STX8: variants seen among roughly 807,000 people sequenced by gnomAD.
STX8 encodes the protein syntaxin 8, also known as syntaxin-8.
Under a neutral mutation model 37.5 loss-of-function variants are expected in STX8, and 23 were observed. That is an observed-to-expected ratio of 0.61 (90% CI 0.44 to 0.87). The LOEUF (loss-of-function observed/expected upper bound fraction) is 0.87, where lower values mean the gene tolerates loss of function less well. Among genes scored for constraint, STX8 ranks in the 40% least tolerant of loss-of-function variants. The pLI is 0.00. For missense variants in STX8, 313 were observed against 284.7 expected, an observed-to-expected ratio of 1.10 and a Z score of -0.71; for synonymous variants, 115 against 99.1, an observed-to-expected ratio of 1.16 and a Z score of -0.95.
chr17:9,388,667 G>A (rs868818854), intron 6 of STX8, among the ~76,000 whole-genome samples: 17 of 151,944 alleles, frequency 1.1e-4, no homozygotes, highest in Admixed American at 5.2e-4. Flanking sequence ...GCCGGGTGTG[G>A]TGGTGCATGC....
At chr17:9,308,414 T>C (rs527583151) in intron 7 of STX8, among the ~76,000 whole-genome samples, 19 of 152,298 alleles carry the variant, frequency 1.2e-4, no homozygotes, top group African/African-American at 4.6e-4. Flanking sequence ...TTCTAGTTCC[T>C]ATGACTCACC....
intron 6 of STX8, among the ~76,000 whole-genome samples, chr17:9,392,935 G>A (rs572442290): frequency 2.6e-5 from 4 of 152,230 alleles, no homozygotes; most frequent in South Asian, 2.1e-4. Flanking sequence ...GAAAAAATAC[G>A]TGAACAAATA....
chr17:9,556,049 T>C (rs910687222), intron 3 of STX8, among the ~76,000 whole-genome samples: 10 of 152,166 alleles, frequency 6.6e-5, no homozygotes, highest in Admixed American at 5.9e-4. Flanking sequence ...AATATTCCAA[T>C]TGCGTTAAAA....
intron 6 of STX8, among the ~76,000 whole-genome samples, chr17:9,425,227 A>G (rs1229061250): frequency 6.6e-6 from 1 of 152,206 alleles, no homozygotes; most frequent in East Asian, 1.9e-4. Flanking sequence ...CCAACACTGT[A>G]CAGAGAAAGA....
chr17:9,407,218 G>A (rs577334912), intron 6 of STX8, among the ~76,000 whole-genome samples: 56 of 152,228 alleles, frequency 3.7e-4, no homozygotes, highest in South Asian at 3.3e-3. Flanking sequence ...AATAGAGACG[G>A]GGTCTTGCTA....
intron 2 of STX8, among the ~76,000 whole-genome samples, chr17:9,561,751 A>C (rs1313971435): frequency 6.6e-6 from 1 of 151,920 alleles, no homozygotes; most frequent in Non-Finnish European, 1.5e-5. Flanking sequence ...ATTTTTACCT[A>C]GTAGAGATTT....
intron 6 of STX8, among the ~76,000 whole-genome samples, chr17:9,480,008 C>T: frequency 6.6e-6 from 1 of 152,220 alleles, no homozygotes; most frequent in East Asian, 1.9e-4. Context: ...CAGGTAACTG[C>T]TGTTTATCCT....
intron 5 of STX8, among the ~76,000 whole-genome samples, chr17:9,497,178 T>A (rs528049444): frequency 6.6e-6 from 1 of 152,116 alleles, no homozygotes; most frequent in South Asian, 2.1e-4. Flanking sequence ...AAGGAAGAGT[T>A]GGAAAAAGAA....
intron 7 of STX8, among the ~76,000 whole-genome samples, chr17:9,296,779 G>A (rs1567773016): frequency 6.6e-6 from 1 of 152,128 alleles, no homozygotes; most frequent in Non-Finnish European, 1.5e-5. Flanking sequence ...ATACTTAAAT[G>A]TAAAGGATAG....
At chr17:9,397,340 A>G (rs1490134672) in intron 6 of STX8, among the ~76,000 whole-genome samples, 6 of 151,992 alleles carry the variant, frequency 3.9e-5, no homozygotes, top group African/African-American at 1.4e-4. Context: ...AGGTTGCAGT[A>G]AGCCGAGATC....
chr17:9,374,609 C>T (rs1339852477), intron 7 of STX8, among the ~76,000 whole-genome samples: 1 of 151,970 alleles, frequency 6.6e-6, no homozygotes, highest in Admixed American at 6.6e-5. Flanking sequence ...TCAACAAATG[C>T]ATATATAAAA....
At chr17:9,428,903 C>T (rs1276630354) in intron 6 of STX8, among the ~76,000 whole-genome samples, 1 of 152,110 alleles carries the variant, frequency 6.6e-6, no homozygotes, top group Non-Finnish European at 1.5e-5. Flanking sequence ...TATTCAGAGG[C>T]TCTGTTGATA....
intron 7 of STX8, among the ~76,000 whole-genome samples, chr17:9,370,294 C>T (rs1202194554): frequency 6.6e-6 from 1 of 152,144 alleles, no homozygotes; most frequent in African/African-American, 2.4e-5. Context: ...GTCATTGTGC[C>T]ACCTAACTGT....
intron 7 of STX8, among the ~76,000 whole-genome samples, chr17:9,298,831 A>G (rs912728904): frequency 1.3e-5 from 2 of 152,122 alleles, no homozygotes; most frequent in African/African-American, 4.8e-5. Flanking sequence ...ACAAAACAAA[A>G]CAAAACAAAA....
chr17:9,388,496 A>G (rs1912093634), intron 6 of STX8, among the ~76,000 whole-genome samples: 1 of 151,942 alleles, frequency 6.6e-6, no homozygotes, highest in Non-Finnish European at 1.5e-5. Flanking sequence ...TGTGTTCACT[A>G]CAATTTGACA....
intron 5 of STX8, among the ~76,000 whole-genome samples, chr17:9,500,424 T>C (rs1904568799): frequency 1.3e-5 from 2 of 152,156 alleles, no homozygotes; most frequent in Admixed American, 6.5e-5. Context: ...CAAGCCATGG[T>C]GTGGGGATGG....
At chr17:9,419,799 G>C (rs1321571892) in intron 6 of STX8, among the ~76,000 whole-genome samples, 1 of 152,176 alleles carries the variant, frequency 6.6e-6, no homozygotes, top group Non-Finnish European at 1.5e-5. Flanking sequence ...CAGGTGGTGA[G>C]AAGAGTGAGC....
At chr17:9,400,706 G>A (rs193171801) in intron 6 of STX8, among the ~76,000 whole-genome samples, 1 of 152,214 alleles carries the variant, frequency 6.6e-6, no homozygotes, top group East Asian at 1.9e-4. Context: ...GCGCCCGGCC[G>A]AGTCAGTGGA....
At chr17:9,273,007 C>T (rs138718932) in intron 7 of STX8, among the ~76,000 whole-genome samples, 2 of 152,296 alleles carry the variant, frequency 1.3e-5, no homozygotes, top group African/African-American at 2.4e-5. Flanking sequence ...GGCTAGAATG[C>T]GAAGCAATAA....
Sources: gnomAD v4.1 joint callset for allele counts (sites outside exome capture counted in the v4.1 genomes callset) on GRCh38, gnomAD v4.1.1 for gene constraint, MANE v1.5 for transcripts, NCBI Gene and HGNC (gene_info 2026-07-23, HGNC 2026-07-21) for gene names.